The following PTPN22 variants were observed in gnomAD, a reference collection of about 807,000 sequenced individuals.
The protein encoded by PTPN22 is protein tyrosine phosphatase non-receptor type 22.
PTPN22 carries 85 observed loss-of-function variants against 103.3 expected under a neutral mutation model. The ratio of observed to expected loss-of-function variants is 0.82; its 90% confidence interval spans 0.69 to 0.99. The LOEUF is 0.99. Ranked by LOEUF, PTPN22 falls within the 50% of genes least tolerant of loss-of-function variation. PTPN22 has a pLI of 0.00. For synonymous variants in PTPN22, 323 were observed against 310.2 expected, an observed-to-expected ratio of 1.04 and a Z score of -0.43; for missense variants, 865 against 936.9, an observed-to-expected ratio of 0.92 and a Z score of 1.00.
intron 7 of PTPN22, 117 bp from the exon 8 acceptor site, chr1:113,855,166 C>T (rs3789608): frequency 0.17 from 149,984 of 862,672 alleles, 13,988 homozygotes; most frequent in East Asian, 0.21. Flanking sequence ...TGCAACAAAC[C>T]TGCACATTTA....
At chr1:113,857,888 G>GT (rs917524118) in intron 4 of PTPN22, 112 bp from the exon 5 acceptor site, 1,977 of 973,558 alleles carry the variant, frequency 2.0e-3, no homozygotes, top group South Asian at 3.3e-3. Flanking sequence ...CTGTTTTGTC[G>GT]TTTTTTTTTA....
exon 14 of PTPN22, chr1:113,834,940 G>T: frequency 1.3e-6 from 2 of 1,581,482 alleles, no homozygotes; most frequent in Non-Finnish European, 1.7e-6. Context: ...AATGATTCAG[G>T]TGTCCATACA....
At chr1:113,835,793 C>T (rs1241812017) in intron 13 of PTPN22, among the ~76,000 whole-genome samples, 5 of 152,064 alleles carry the variant, frequency 3.3e-5, no homozygotes, top group African/African-American at 1.2e-4. Context: ...TTTTACAAAA[C>T]AACAGTATAG....
intron 11 of PTPN22, among the ~76,000 whole-genome samples, chr1:113,844,707 CTT>C (rs1335255538): frequency 6.6e-6 from 1 of 152,092 alleles, no homozygotes; most frequent in Non-Finnish European, 1.5e-5. Flanking sequence ...TCTTTATTTC[CTT>C]TGAGACTTTC....
At chr1:113,826,237 C>T (rs187695160) in intron 18 of PTPN22, among the ~76,000 whole-genome samples, 3 of 152,030 alleles carry the variant, frequency 2.0e-5, no homozygotes, top group Non-Finnish European at 2.9e-5. Context: ...CCCAGCCACT[C>T]GAAAGGCTGA....
chr1:113,823,150 C>CCACAA (rs1412673273), intron 19 of PTPN22: 1 of 152,180 alleles, frequency 6.6e-6, no homozygotes, highest in East Asian at 1.9e-4. Context: ...AACTTACATT[C>CCACAA]CACAAAGGCA....
chr1:113,842,715 G>C (rs2102001728), intron 11 of PTPN22, among the ~76,000 whole-genome samples: 1 of 152,052 alleles, frequency 6.6e-6, no homozygotes, highest in East Asian at 1.9e-4. Flanking sequence ...AAAAAGTGTT[G>C]GCCAGGATGT....
chr1:113,848,522 A>G lies in PTPN22; in HGVS notation c.915+18T>C, dbSNP rs1415748653. 1.2e-6 allele frequency: 2 copies of G among 1,609,384 alleles called. No individual in the cohort carries two copies. Among genetic ancestry groups the G allele is most frequent in the Non-Finnish European group, 8.5e-7 (1 of 1,179,262 alleles). ...AGTATGAAAATTTTTTTGACATAAT[A>G]TCTAGTTTAAATTTTACCTCTGTTC... On this transcript the variant is annotated intron_variant, in intron 11 of 20. Transcript: ENST00000359785.
intron 4 of PTPN22, 124 bp downstream of exon 4, chr1:113,858,354 C>G: frequency 1.6e-6 from 1 of 641,054 alleles, no homozygotes; most frequent in Non-Finnish European, 2.6e-6. Context: ...TTTCCTTGGA[C>G]AAGAATGGCA....
chr1:113,849,771 T>A (rs998269774), intron 10 of PTPN22, among the ~76,000 whole-genome samples: 3 of 152,008 alleles, frequency 2.0e-5, no homozygotes, highest in Non-Finnish European at 2.9e-5. Context: ...GTATTTTTTG[T>A]AGAGACAGGG....
At chr1:113,856,933 A>G (rs1334340974) in intron 5 of PTPN22, 3 of 244,692 alleles carry the variant, frequency 1.2e-5, no homozygotes, top group Non-Finnish European at 2.4e-5. Flanking sequence ...TGAAATACCT[A>G]GTTCCCTTGC....
rs183824628 is a variant in PTPN22, at chr1:113,847,609, T to C, written c.915+931A>G. Among the ~76,000 whole-genome samples, 65 of 151,560 alleles carry C rather than the reference T, an allele frequency of 4.3e-4. No individual in the cohort carries two copies. The East Asian group carries it at 0.011, about 25-fold the overall frequency. On this transcript the variant is annotated intron_variant, in intron 11 of 20. Coordinates refer to ENST00000359785, the Ensembl canonical transcript of PTPN22. ...CTTTTTTTTTTTTTTAACAGAGTGT[T>C]GCTCTGTCACCTAGGCTGGAGTGCA...
At chr1:113,820,131 T>A (rs1661466725) in intron 19 of PTPN22, among the ~76,000 whole-genome samples, 1 of 152,190 alleles carries the variant, frequency 6.6e-6, no homozygotes, top group Admixed American at 6.5e-5. Flanking sequence ...CTTTCCAGCC[T>A]GATTTTTTTC....
chr1:113,853,427 T>C (rs1368710472), intron 9 of PTPN22, among the ~76,000 whole-genome samples: 2 of 149,700 alleles, frequency 1.3e-5, no homozygotes, highest in Non-Finnish European at 3.0e-5. Flanking sequence ...CTTGGCTCAC[T>C]GCAACCTCCA....
intron 1 of PTPN22, among the ~76,000 whole-genome samples, chr1:113,866,812 A>G (rs1666160901): frequency 6.6e-6 from 1 of 152,072 alleles, no homozygotes; most frequent in Non-Finnish European, 1.5e-5. Context: ...CAGTGGTGCA[A>G]TCTCAGCTCA....
chr1:113,828,701 G>A (rs542436212), intron 18 of PTPN22, among the ~76,000 whole-genome samples: 2 of 152,158 alleles, frequency 1.3e-5, no homozygotes, highest in East Asian at 1.9e-4. Context: ...GGAGTACAGT[G>A]GCATAATCTC....
At chr1:113,844,114 A>T (rs1663839647) in intron 11 of PTPN22, among the ~76,000 whole-genome samples, 1 of 152,204 alleles carries the variant, frequency 6.6e-6, no homozygotes, top group Middle Eastern at 3.4e-3. Flanking sequence ...GTCAGTTTTT[A>T]AAAAGGTTTG....
intron 18 of PTPN22, among the ~76,000 whole-genome samples, chr1:113,826,410 G>T (rs1178938277): frequency 1.9e-5 from 2 of 106,618 alleles, no homozygotes; most frequent in Non-Finnish European, 4.6e-5. Context: ...GAAGGGAAGG[G>T]AAGGGAAGGG....
At chr1:113,846,693 C>G (rs773546057) in intron 11 of PTPN22, among the ~76,000 whole-genome samples, 2 of 152,094 alleles carry the variant, frequency 1.3e-5, no homozygotes, top group Non-Finnish European at 2.9e-5. Flanking sequence ...GTCTTGATTT[C>G]CCCTTCAGCC....
Sources: allele counts gnomAD v4.1 joint callset (sites outside exome capture counted in the v4.1 genomes callset), GRCh38; gene constraint gnomAD v4.1.1; transcripts MANE v1.5; gene names NCBI Gene and HGNC (gene_info 2026-07-23, HGNC 2026-07-21).